CAMTA1: variants seen among roughly 807,000 people sequenced by gnomAD.
The protein encoded by CAMTA1 is calmodulin binding transcription activator 1.
CAMTA1 carries 27 observed loss-of-function variants against 170.9 expected under a neutral mutation model. The ratio of observed to expected loss-of-function variants is 0.16; its 90% CI spans 0.12 to 0.22. The LOEUF is 0.22. CAMTA1 is among the 10% of genes least tolerant of loss of function. The pLI is 1.00. For missense variants in CAMTA1, 1,619 were observed against 2,217.2 expected (o/e 0.73, Z 5.42); for synonymous variants, 833 against 891.5 (o/e 0.93, Z 1.17).
intron 3 of CAMTA1, among the ~76,000 whole-genome samples, chr1:7,090,310 C>T (rs1211284864): frequency 6.6e-6 from 1 of 152,226 alleles, no homozygotes; most frequent in Non-Finnish European, 1.5e-5. Context: ...CTGCTCGCCT[C>T]CAGGCAGAGG....
At chr1:7,360,911 C>T (rs565990786) in intron 5 of CAMTA1, among the ~76,000 whole-genome samples, 31 of 152,320 alleles carry the variant, frequency 2.0e-4, no homozygotes, top group African/African-American at 6.0e-4. Flanking sequence ...TTAATAGGGT[C>T]GTTTTCTGCT....
chr1:7,318,547 A>G (rs866521953), intron 5 of CAMTA1, among the ~76,000 whole-genome samples: 8 of 152,222 alleles, frequency 5.3e-5, no homozygotes, highest in East Asian at 1.9e-4. Flanking sequence ...TTGGTATCCA[A>G]TGAATCACAG....
At chr1:7,071,543 A>T (rs1638649888) in intron 3 of CAMTA1, among the ~76,000 whole-genome samples, 1 of 152,206 alleles carries the variant, frequency 6.6e-6, no homozygotes, top group Non-Finnish European at 1.5e-5. Flanking sequence ...TTACAAGGTG[A>T]TGTGTAGTGC....
chr1:7,022,650 G>C (rs1041794879), intron 3 of CAMTA1, among the ~76,000 whole-genome samples: 7 of 152,164 alleles, frequency 4.6e-5, no homozygotes, highest in African/African-American at 1.7e-4. Context: ...GCAGGGTATT[G>C]GTTGGCCATA....
chr1:6,863,893 AG>A (rs1207183892), intron 3 of CAMTA1, among the ~76,000 whole-genome samples: 1 of 152,162 alleles, frequency 6.6e-6, no homozygotes, highest in East Asian at 1.9e-4. Flanking sequence ...ATATCTTCTT[AG>A]GCTCCATTAG....
intron 3 of CAMTA1, among the ~76,000 whole-genome samples, chr1:6,992,974 T>TA (rs958194505): frequency 6.6e-5 from 10 of 152,192 alleles, no homozygotes; most frequent in Non-Finnish European, 1.5e-4. Context: ...CACCATTTGT[T>TA]AAAAAAAGAC....
At chr1:7,098,910 C>G (rs1291043658) in intron 4 of CAMTA1, among the ~76,000 whole-genome samples, 2 of 152,128 alleles carry the variant, frequency 1.3e-5, no homozygotes. Context: ...CATCCCACCC[C>G]TCCTCACTTC....
At chr1:7,631,749 G>A (rs985676207) in intron 6 of CAMTA1, among the ~76,000 whole-genome samples, 1 of 152,182 alleles carries the variant, frequency 6.6e-6, no homozygotes, top group Non-Finnish European at 1.5e-5. Flanking sequence ...TCCTTCTTGT[G>A]CTTCCGTCCA....
chr1:7,678,625 G>A (rs1046317443), intron 11 of CAMTA1, among the ~76,000 whole-genome samples: 1 of 152,192 alleles, frequency 6.6e-6, no homozygotes, highest in Non-Finnish European at 1.5e-5. Context: ...GGCCTGGGGG[G>A]CTGAGCCCAG....
chr1:7,584,169 G>A lies in CAMTA1; in HGVS notation c.511-56231G>A, dbSNP rs541932330. 2.6e-5 allele frequency among the ~76,000 whole-genome samples: 4 copies of A among 152,240 alleles called. No individual in the cohort carries two copies. The South Asian group carries it at 8.3e-4, about 32-fold the overall frequency. Reference sequence around the variant, plus strand: ...GCTTGTTAAAGATGATAAGGCAGACGTTATTCCAGGGGCGCCATGACTGTA... The same window carrying A: ...GCTTGTTAAAGATGATAAGGCAGACATTATTCCAGGGGCGCCATGACTGTA... On this transcript the variant is annotated intron_variant, in intron 6 of 22. Coordinates refer to ENST00000303635, the MANE Select transcript of CAMTA1 (RefSeq NM_015215.4).
chr1:7,618,208 C>T (rs1004626201), intron 6 of CAMTA1, among the ~76,000 whole-genome samples: 1 of 152,226 alleles, frequency 6.6e-6, no homozygotes, highest in Non-Finnish European at 1.5e-5. Flanking sequence ...CTCTCTTCTT[C>T]CATCTCCATA....
chr1:7,485,765 TC>T (rs1212843757), intron 6 of CAMTA1, among the ~76,000 whole-genome samples: 2 of 152,230 alleles, frequency 1.3e-5, no homozygotes, highest in African/African-American at 4.8e-5. Context: ...CAATGACTTA[TC>T]CAGGGACACC....
intron 5 of CAMTA1, among the ~76,000 whole-genome samples, chr1:7,421,535 T>C (rs1037006714): frequency 1.3e-5 from 2 of 152,184 alleles, no homozygotes; most frequent in Admixed American, 6.5e-5. Flanking sequence ...TGGGACTTAT[T>C]AGTGAGGTCA....
intron 3 of CAMTA1, among the ~76,000 whole-genome samples, chr1:7,027,679 G>A (rs11120820): frequency 0.14 from 20,790 of 152,020 alleles, 1,550 homozygotes; most frequent in Non-Finnish European, 0.18. Flanking sequence ...AAATTGGCAC[G>A]ACCCCTCATG....
rs948417981 is a variant in CAMTA1, at chr1:7,641,024, A to G, written c.664+471A>G. 6.6e-6 allele frequency among the ~76,000 whole-genome samples: 1 copy of G among 152,142 alleles called. No individual in the cohort carries two copies. The highest frequency in any genetic ancestry group is 6.5e-5 in the Admixed American group (1 of 15,286). The stretch of plus-strand genomic sequence containing the variant: ...TCGGCTCCCAGGCTGGGTGGCAAAT[A>G]GATGATGGTAATTGAGCTGGATTTC... On this transcript the variant is annotated intron_variant, in intron 7 of 22. Transcript: ENST00000303635. This position sits in a 1 kb window ranked among gnomAD's most constrained non-coding sequence, Gnocchi z 4.5.
intron 3 of CAMTA1, among the ~76,000 whole-genome samples, chr1:6,942,741 A>G (rs1449573302): frequency 6.6e-6 from 1 of 152,218 alleles, no homozygotes; most frequent in East Asian, 1.9e-4. Flanking sequence ...AGTTGGGAGG[A>G]GCACAAGCTG....
intron 18 of CAMTA1, among the ~76,000 whole-genome samples, chr1:7,747,180 A>T (rs1364195289): frequency 2.6e-5 from 4 of 152,226 alleles, no homozygotes; most frequent in African/African-American, 9.6e-5. Context: ...CTCTGCTGCT[A>T]GGAGGTCGTG....
rs542710869 is a variant in CAMTA1 at position 7,065,837 on chromosome 1, G to A, written c.235-25467G>A. Among the ~76,000 whole-genome samples, 148 of 152,316 alleles carry A rather than the reference G, an allele frequency of 9.7e-4. No homozygotes were observed. Among genetic ancestry groups the A allele is most frequent in the African/African-American group, 3.2e-3 (134 of 41,568 alleles). ...AAAGAGCAAGTGGCCTTTAAGGCAT[G>A]TTTATCTATTCCCTTACATTGTGAA... On this transcript the variant is annotated intron_variant, in intron 3 of 22. Coordinates refer to ENST00000303635, the MANE Select transcript of CAMTA1 (RefSeq NM_015215.4). This position sits in a 1 kb window ranked among gnomAD's most constrained non-coding sequence, Gnocchi z 5.2.
Position 7,758,033 on chromosome 1 carries a change from T to C in CAMTA1, c.4989+2365T>C, listed in dbSNP as rs533262594. Among the ~76,000 whole-genome samples, 6 of 152,188 alleles carry C rather than the reference T, an allele frequency of 3.9e-5. No homozygotes were observed. The South Asian group carries it at 1.3e-3, about 32-fold the overall frequency. Reference sequence around the variant, plus strand: ...CCTCTATTCCCTCTCACCCTCTGCATATATATAGATAATCTTTCTTTCCAT... The same window carrying C: ...CCTCTATTCCCTCTCACCCTCTGCACATATATAGATAATCTTTCTTTCCAT... On this transcript the variant is annotated intron_variant, in intron 22 of 22. Transcript: ENST00000303635.
Sources: allele counts gnomAD v4.1 joint callset (sites outside exome capture counted in the v4.1 genomes callset), GRCh38; gene constraint gnomAD v4.1.1; non-coding constraint Gnocchi (gnomAD v3.1); transcripts MANE v1.5; gene names NCBI Gene and HGNC (gene_info 2026-07-23, HGNC 2026-07-21).